The following RAB32 variants were observed in gnomAD, a reference collection of about 807,000 sequenced individuals.
RAB32 encodes the protein ras-related protein Rab-32.
Under a neutral mutation model 17.5 loss-of-function variants are expected in RAB32, and 17 were observed. The observed-to-expected ratio is 0.97, with a 90% CI of 0.67 to 1.46. RAB32 has a LOEUF of 1.46. Among genes scored for constraint, RAB32 ranks in the 40% most tolerant of loss-of-function variants. RAB32 has a pLI of 0.00. For missense variants in RAB32, 288 were observed against 284.3 expected (o/e 1.01, Z -0.09); for synonymous variants, 115 against 111.1 (o/e 1.04, Z -0.22).
At chr6:146,545,434 T>C (rs1433881766) in intron 1 of RAB32, among the ~76,000 whole-genome samples, 1 of 152,186 alleles carries the variant, frequency 6.6e-6, no homozygotes, top group African/African-American at 2.4e-5. Context: ...ATGGAGGGTA[T>C]AGCTACCTGG....
At chr6:146,544,785 C>T (rs1779800447) in intron 1 of RAB32, among the ~76,000 whole-genome samples, 1 of 138,710 alleles carries the variant, frequency 7.2e-6, no homozygotes, top group African/African-American at 2.7e-5. Context: ...CCCCGCCCCC[C>T]CCCCACTCCT....
chr6:146,544,096 G>A lies in RAB32; in HGVS notation c.225G>A (p.Val75=). The A allele has an allele frequency of 6.2e-7, 1 of 1,612,952 alleles. No individual in the cohort carries two copies. Among genetic ancestry groups the A allele is most frequent in the Non-Finnish European group, 8.5e-7 (1 of 1,179,564 alleles). Residue 75 remains valine, a synonymous_variant, in exon 1 of 3, where the codon GTG becomes GTA. Transcript: ENST00000367495. ...TCAACTGGGACAGCAGGACTCTGGT[G>A]CGCCTGCAGCTGTGGGACATCGCGG... is the stretch of plus-strand genomic sequence containing the variant. The part of the protein sequence containing the change: ...KVLNWDSRTL[V]RLQLWDIAGQ...
At chr6:146,544,781 C>A (rs1312497685) in intron 1 of RAB32, among the ~76,000 whole-genome samples, 1 of 125,482 alleles carries the variant, frequency 8.0e-6, no homozygotes. Flanking sequence ...CCCCCCCCGC[C>A]CCCCCCCCAC....
chr6:146,546,782 G>GT (rs962778741), intron 1 of RAB32, among the ~76,000 whole-genome samples: 16,970 of 118,376 alleles, frequency 0.14, 3,204 homozygotes, highest in African/African-American at 0.45. Flanking sequence ...TACTAGTTAG[G>GT]TTTTTTTTTT....
At chr6:146,544,672 G>A (rs1424262403) in intron 1 of RAB32, among the ~76,000 whole-genome samples, 1 of 151,526 alleles carries the variant, frequency 6.6e-6, no homozygotes. Flanking sequence ...GCCGAGGACA[G>A]ACACTCCGTG....
rs928421451 is a variant in RAB32, at chr6:146,547,820, C to T, written c.251-1644C>T. Among the ~76,000 whole-genome samples the T allele has an allele frequency of 4.0e-5, 6 of 151,612 alleles. 1 individual carries two copies. ...TCTTTTACTCATTTGTCACCCCACT[C>T]TCTTTTCTAAATTAAAGATATAGTC... On this transcript the variant is annotated intron_variant, in intron 1 of 2. Transcript: ENST00000367495.
At chr6:146,553,416 G>T (rs1409403308) in intron 2 of RAB32, among the ~76,000 whole-genome samples, 1 of 152,272 alleles carries the variant, frequency 6.6e-6, no homozygotes, top group Non-Finnish European at 1.5e-5. Context: ...TACATCACTT[G>T]TGTTTTATTT....
At chr6:146,552,348 T>C (rs994046854) in intron 2 of RAB32, among the ~76,000 whole-genome samples, 4 of 152,158 alleles carry the variant, frequency 2.6e-5, no homozygotes, top group African/African-American at 4.8e-5. Flanking sequence ...AAGTTAACAC[T>C]TATCTTGGGA....
intron 2 of RAB32, among the ~76,000 whole-genome samples, chr6:146,552,127 T>C (rs1314586362): frequency 1.3e-5 from 2 of 152,152 alleles, no homozygotes; most frequent in Non-Finnish European, 2.9e-5. Flanking sequence ...TTTCATCATT[T>C]CACCTTTATG....
At chr6:146,545,732 C>T (rs1250581132) in intron 1 of RAB32, among the ~76,000 whole-genome samples, 3 of 152,014 alleles carry the variant, frequency 2.0e-5, no homozygotes, top group African/African-American at 4.8e-5. Context: ...GAAGTTTTTT[C>T]GAAACACTTC....
At chr6:146,546,776 A>G (rs1253689019) in intron 1 of RAB32, among the ~76,000 whole-genome samples, 1 of 143,720 alleles carries the variant, frequency 7.0e-6, no homozygotes, top group Non-Finnish European at 1.5e-5. Flanking sequence ...TGTTTTTACT[A>G]GTTAGGTTTT....
chr6:146,550,103 A>G (rs1357302132), intron 2 of RAB32, among the ~76,000 whole-genome samples: 2 of 152,226 alleles, frequency 1.3e-5, no homozygotes, highest in African/African-American at 2.4e-5. Context: ...GAATAGGAAG[A>G]TGCCTCTGGT....
In RAB32 at chr6:146,549,616, C is replaced by A. The variant is rs759813571; in HGVS notation, c.403C>A (p.Pro135Thr). The stretch of plus-strand genomic sequence containing the variant: ...TAAAGTTCATCTTCCAAATGGCAGC[C>A]CTATCCCTGCTGTCCTCTTGGCTAA... ...DSKVHLPNGS[P>T]IPAVLLANKC... The change falls in exon 2 of 3, where the codon CCT becomes ACT. Residue 135 changes from proline (P) to threonine (T), a missense_variant. Transcript: ENST00000367495. 6.2e-7 allele frequency: 1 copy of A among 1,614,084 alleles called. No homozygotes were observed.
chr6:146,549,389 G>A, intron 1 of RAB32, 75 bp from the exon 2 acceptor site: 2 of 1,252,666 alleles, frequency 1.6e-6, no homozygotes, highest in African/African-American at 1.5e-5. Context: ...TGCTCTTGGG[G>A]TAAAAGGGGT....
At chr6:146,548,082 T>C (rs1410823421) in intron 1 of RAB32, among the ~76,000 whole-genome samples, 1 of 152,192 alleles carries the variant, frequency 6.6e-6, no homozygotes, top group East Asian at 1.9e-4. Flanking sequence ...ATGTAAGTTT[T>C]TATAAATGTC....
At position 146,554,530 on chromosome 6, in the gene RAB32, TGAA is replaced by T; in HGVS notation, c.607_609del (p.Glu203del). The T allele has an allele frequency of 6.2e-7, 1 of 1,613,948 alleles. No homozygotes were observed. The highest frequency in any genetic ancestry group is 1.7e-5 in the Admixed American group (1 of 60,000). On this transcript the variant is annotated inframe_deletion, in exon 3 of 3. Coordinates refer to ENST00000367495, the MANE Select transcript of RAB32 (RefSeq NM_006834.5). ...TTGTAAACCACCAAAGCTTTCCTAA[TGAA>T]GAAAACGATGTGGACAAAATTAAGC...
chr6:146,551,958 G>A (rs535055950), intron 2 of RAB32, among the ~76,000 whole-genome samples: 1 of 152,200 alleles, frequency 6.6e-6, no homozygotes, highest in African/African-American at 2.4e-5. Context: ...AAAAATTTAG[G>A]TTAAAAATCT....
At position 146,544,181 on chromosome 6, in the gene RAB32, GCTTC is replaced by G. The variant is rs538205191; in HGVS notation, c.250+61_250+64del. On this transcript the variant is annotated intron_variant, in intron 1 of 2. Coordinates refer to ENST00000367495, the MANE Select transcript of RAB32 (RefSeq NM_006834.5). ...CCGCCGGGCCGCCTGGCTCCTCTCT[GCTTC>G]TTTTCTTTTTCTTTTCTGCCTGAAC... 16 of 1,512,804 alleles carry G rather than the reference GCTTC, an allele frequency of 1.1e-5. No individual in the cohort carries two copies. The Admixed American group carries it at 2.0e-4, about 19-fold the overall frequency. 93.7% of individuals were successfully genotyped at this position (1,512,804 alleles called of 1,614,324 possible).
At chr6:146,550,186 T>C (rs1043387727) in intron 2 of RAB32, among the ~76,000 whole-genome samples, 1 of 151,928 alleles carries the variant, frequency 6.6e-6, no homozygotes, top group African/African-American at 2.4e-5. Flanking sequence ...GTTTGAAGAG[T>C]TTTAGGTTAA....
Sources: gnomAD v4.1 joint callset for allele counts (sites outside exome capture counted in the v4.1 genomes callset) on GRCh38, gnomAD v4.1.1 for gene constraint, MANE v1.5 for transcripts, NCBI Gene and HGNC (gene_info 2026-07-23, HGNC 2026-07-21) for gene names.